The following NALCN variants were observed in gnomAD, a reference collection of about 807,000 sequenced individuals.
NALCN encodes the protein sodium leak channel, non-selective, also known as sodium leak channel NALCN.
NALCN carries 111 observed loss-of-function variants against 225.3 expected under a neutral mutation model. That is an observed-to-expected ratio of 0.49 (90% CI 0.42 to 0.58). NALCN has a LOEUF of 0.58. Among genes scored for constraint, NALCN ranks in the 20% least tolerant of loss-of-function variants. The pLI is 0.00. For synonymous variants in NALCN, 764 were observed against 769.0 expected (o/e 0.99, Z 0.11); for missense variants, 1,378 against 2,202.4 (o/e 0.63, Z 7.49).
At chr13:101,059,996 A>C (rs2031719967) in intron 41 of NALCN, 29 bp from the exon 42 acceptor site, 1 of 1,611,028 alleles carries the variant, frequency 6.2e-7, no homozygotes, top group Non-Finnish European at 8.5e-7. Context: ...TTGTTCAGTA[A>C]AATAAGCCCA....
At chr13:101,193,969 A>T (rs776601263) in intron 13 of NALCN, among the ~76,000 whole-genome samples, 1 of 152,196 alleles carries the variant, frequency 6.6e-6, no homozygotes, top group African/African-American at 2.4e-5. Flanking sequence ...GTATAAAAGA[A>T]ATTTCACTGG....
At chr13:101,297,970 G>C (rs1383196084) in intron 7 of NALCN, among the ~76,000 whole-genome samples, 1 of 152,142 alleles carries the variant, frequency 6.6e-6, no homozygotes, top group Non-Finnish European at 1.5e-5. Flanking sequence ...TTAAATCTCA[G>C]TTTGAGCATC....
At chr13:101,264,284 T>C (rs1296652786) in intron 10 of NALCN, among the ~76,000 whole-genome samples, 1 of 152,184 alleles carries the variant, frequency 6.6e-6, no homozygotes, top group Non-Finnish European at 1.5e-5. Flanking sequence ...CACATTTGAT[T>C]TTTTAAAGTT....
intron 12 of NALCN, among the ~76,000 whole-genome samples, chr13:101,230,393 C>T (rs997006314): frequency 6.6e-5 from 10 of 152,154 alleles, no homozygotes; most frequent in Admixed American, 3.3e-4. Flanking sequence ...TTTCTCTTTC[C>T]TCCTTTAAAA....
At chr13:101,067,536 T>C (rs1352851837) in intron 39 of NALCN, among the ~76,000 whole-genome samples, 2 of 152,172 alleles carry the variant, frequency 1.3e-5, no homozygotes, top group Non-Finnish European at 2.9e-5. Context: ...AATAACTCCT[T>C]TGTACTTTTA....
At chr13:101,162,442 G>A (rs74117656) in intron 15 of NALCN, among the ~76,000 whole-genome samples, 2,195 of 152,284 alleles carry the variant, frequency 0.014, 63 homozygotes, top group African/African-American at 0.05. Context: ...CGGACTGTGT[G>A]AAAGTTGAGT....
intron 30 of NALCN, among the ~76,000 whole-genome samples, chr13:101,087,019 A>G (rs532693049): frequency 1.3e-5 from 2 of 152,296 alleles, no homozygotes; most frequent in East Asian, 3.9e-4. Flanking sequence ...ATCTAAAAGA[A>G]TAATAGGCAT....
intron 13 of NALCN, among the ~76,000 whole-genome samples, chr13:101,201,176 A>G (rs1407536592): frequency 6.6e-6 from 1 of 152,170 alleles, no homozygotes. Flanking sequence ...TAAAAGAAAT[A>G]GGTTTTTGAG....
intron 43 of NALCN, among the ~76,000 whole-genome samples, chr13:101,056,622 G>A (rs1207458217): frequency 6.6e-6 from 1 of 151,046 alleles, no homozygotes; most frequent in Non-Finnish European, 1.5e-5. Context: ...ACCAAGGACT[G>A]TGCATTCTCC....
At chr13:101,062,815 C>T (rs1273849554) in intron 40 of NALCN, among the ~76,000 whole-genome samples, 2 of 152,010 alleles carry the variant, frequency 1.3e-5, no homozygotes, top group Admixed American at 1.3e-4. Flanking sequence ...GTTGGTCAAA[C>T]TGGTCTTAAA....
At chr13:101,166,101 A>G (rs1399010887) in intron 15 of NALCN, among the ~76,000 whole-genome samples, 2 of 152,162 alleles carry the variant, frequency 1.3e-5, no homozygotes, top group Admixed American at 6.5e-5. Flanking sequence ...AGGCTGAATG[A>G]TATTTCCTTG....
At chr13:101,368,550 C>A (rs2139391130) in intron 6 of NALCN, 1 of 152,262 alleles carries the variant, frequency 6.6e-6, no homozygotes, top group Admixed American at 6.5e-5. Context: ...ATTTTCAAAT[C>A]AATTAACATT....
chr13:101,072,763 C>T (rs1195967099), intron 37 of NALCN, among the ~76,000 whole-genome samples: 1 of 151,990 alleles, frequency 6.6e-6, no homozygotes, highest in African/African-American at 2.4e-5. Context: ...TAGCTCCATG[C>T]AGCGATGTAA....
At chr13:101,301,916 G>A (rs187264708) in intron 7 of NALCN, among the ~76,000 whole-genome samples, 13 of 152,194 alleles carry the variant, frequency 8.5e-5, no homozygotes, top group African/African-American at 2.9e-4. Flanking sequence ...CCACTAAGGC[G>A]CTAAAGAAAT....
intron 18 of NALCN, among the ~76,000 whole-genome samples, chr13:101,121,970 A>T (rs1427900642): frequency 6.7e-6 from 1 of 149,748 alleles, no homozygotes; most frequent in Non-Finnish European, 1.5e-5. Context: ...TTTTTTTTTA[A>T]AAAAAATTCT....
At chr13:101,167,274 T>C (rs1236145901) in intron 15 of NALCN, among the ~76,000 whole-genome samples, 1 of 152,244 alleles carries the variant, frequency 6.6e-6, no homozygotes, top group Admixed American at 6.5e-5. Flanking sequence ...TACGAAAGAT[T>C]GCATTGAATC....
intron 15 of NALCN, among the ~76,000 whole-genome samples, chr13:101,168,635 C>G (rs1046249050): frequency 6.6e-6 from 1 of 152,164 alleles, no homozygotes; most frequent in African/African-American, 2.4e-5. Context: ...CCACTTGCCT[C>G]AAGAACGGAT....
At chr13:101,252,462 C>G (rs1420087033) in intron 11 of NALCN, among the ~76,000 whole-genome samples, 3 of 151,976 alleles carry the variant, frequency 2.0e-5, no homozygotes, top group African/African-American at 7.3e-5. Context: ...TTTTGCTGAA[C>G]AAAAAGCAAG....
At chr13:101,157,040 A>C (rs1036333354) in intron 15 of NALCN, among the ~76,000 whole-genome samples, 1 of 152,234 alleles carries the variant, frequency 6.6e-6, no homozygotes, top group African/African-American at 2.4e-5. Flanking sequence ...GGAAATAGGG[A>C]TAACATTAAA....
Sources: allele counts gnomAD v4.1 joint callset (sites outside exome capture counted in the v4.1 genomes callset), GRCh38; gene constraint gnomAD v4.1.1; transcripts MANE v1.5; gene names NCBI Gene and HGNC (gene_info 2026-07-23, HGNC 2026-07-21).